PTPRQ: variants seen among roughly 807,000 people sequenced by gnomAD.
PTPRQ encodes protein tyrosine phosphatase receptor type Q.
PTPRQ carries 199 observed loss-of-function variants against 246.0 expected under a neutral mutation model. The ratio of observed to expected loss-of-function variants is 0.81; its 90% confidence interval spans 0.72 to 0.91. The LOEUF (loss-of-function observed/expected upper bound fraction) is 0.91. PTPRQ is among the 40% of genes least tolerant of loss of function. The probability of loss-of-function intolerance (pLI) is 0.00; values close to 1 mark genes in which losing one functional copy is unlikely to be tolerated. For missense variants in PTPRQ, 2,624 were observed against 2,528.4 expected, an observed-to-expected ratio of 1.04 and a Z score of -0.81; for synonymous variants, 869 against 853.2, an observed-to-expected ratio of 1.02 and a Z score of -0.32.
chr12:80,668,866 T>C, intron 39 of PTPRQ, 141 bp from the exon 40 acceptor site: 2 of 1,159,334 alleles, frequency 1.7e-6, no homozygotes, highest in Non-Finnish European at 2.2e-6. Context: ...AAATTTTGAG[T>C]ATTTAAGATT....
At chr12:80,535,802 G>A (rs1895968414) in intron 19 of PTPRQ, among the ~76,000 whole-genome samples, 1 of 152,230 alleles carries the variant, frequency 6.6e-6, no homozygotes, top group African/African-American at 2.4e-5. Context: ...GATGCAGAGA[G>A]CTGGAATATA....
At chr12:80,676,621 G>A (rs11114564) in intron 43 of PTPRQ, among the ~76,000 whole-genome samples, 25,637 of 152,082 alleles carry the variant, frequency 0.17, 2,842 homozygotes, top group Non-Finnish European at 0.24. Flanking sequence ...CAACCTGGGC[G>A]ACAGAGCGAG....
chr12:80,582,220 G>A (rs1897464060), intron 25 of PTPRQ, among the ~76,000 whole-genome samples: 1 of 152,044 alleles, frequency 6.6e-6, no homozygotes, highest in Admixed American at 6.5e-5. Flanking sequence ...TGAAGAAAAA[G>A]GCAAAATATA....
chr12:80,590,564 A>T (rs901006707), intron 26 of PTPRQ, among the ~76,000 whole-genome samples: 1 of 147,184 alleles, frequency 6.8e-6, no homozygotes, highest in African/African-American at 2.5e-5. Flanking sequence ...GCTACTCGGG[A>T]GGCTGAGGCA....
In PTPRQ at chr12:80,575,528, G is replaced by A. The variant is rs1243135343; in HGVS notation, c.4286-12601G>A. Among the ~76,000 whole-genome samples the A allele has an allele frequency of 3.3e-5, 5 of 152,094 alleles. No homozygotes were observed. In the South Asian group the frequency reaches 1.0e-3, roughly 32 times the overall value. ...GCCCAGATGTTTAAGGTTACACTGAGCTATGAAGGTACCACTGCACTCCAG... is the reference window on the plus strand; with the variant it reads ...GCCCAGATGTTTAAGGTTACACTGAACTATGAAGGTACCACTGCACTCCAG... On this transcript the variant is annotated intron_variant, in intron 25 of 44. Coordinates refer to ENST00000644991, the MANE Select transcript of PTPRQ (RefSeq NM_001145026.2).
intron 26 of PTPRQ, among the ~76,000 whole-genome samples, chr12:80,597,565 C>A (rs1898010113): frequency 6.6e-6 from 1 of 152,022 alleles, no homozygotes; most frequent in Non-Finnish European, 1.5e-5. Context: ...TTTACATCTA[C>A]TTCCCTAGTC....
At chr12:80,610,093 C>G (rs1898492176) in intron 27 of PTPRQ, among the ~76,000 whole-genome samples, 1 of 150,336 alleles carries the variant, frequency 6.7e-6, no homozygotes, top group African/African-American at 2.4e-5. Context: ...GGATTTGAGG[C>G]CTGTGTGATT....
At chr12:80,621,049 A>G (rs1476383903) in intron 32 of PTPRQ, among the ~76,000 whole-genome samples, 1 of 151,870 alleles carries the variant, frequency 6.6e-6, no homozygotes, top group African/African-American at 2.4e-5. Flanking sequence ...TTCAAAATAT[A>G]ATTTTTACTA....
intron 35 of PTPRQ, among the ~76,000 whole-genome samples, chr12:80,645,419 C>CTAATAT (rs1179851001): frequency 2.6e-5 from 4 of 151,938 alleles, no homozygotes; most frequent in Non-Finnish European, 4.4e-5. Context: ...CAGATATTCC[C>CTAATAT]TCACAATAAA....
intron 8 of PTPRQ, among the ~76,000 whole-genome samples, chr12:80,478,464 G>T (rs1437395073): frequency 3.9e-5 from 6 of 152,086 alleles, no homozygotes; most frequent in Non-Finnish European, 7.4e-5. Flanking sequence ...ACTCTAAAAA[G>T]CAGAGCGCCT....
intron 25 of PTPRQ, among the ~76,000 whole-genome samples, chr12:80,564,178 G>A (rs1326641415): frequency 6.6e-6 from 1 of 152,082 alleles, no homozygotes; most frequent in Non-Finnish European, 1.5e-5. Flanking sequence ...TGCCATGCTG[G>A]TGCGCTGCAC....
intron 33 of PTPRQ, among the ~76,000 whole-genome samples, chr12:80,628,481 A>C (rs1170001222): frequency 6.6e-6 from 1 of 152,174 alleles, no homozygotes; most frequent in Non-Finnish European, 1.5e-5. Context: ...GTAAAATTAT[A>C]AATTATGTAA....
rs71094985 is a variant in PTPRQ at position 80,552,645 on chromosome 12, T to TTA, written c.4285+2959_4285+2960dup. ...TCCAGGTCTTTGTAAAAAAAAAAAATTATATATATATATATATATATATAT... is the reference window on the plus strand; with the variant it reads ...TCCAGGTCTTTGTAAAAAAAAAAAATTATATATATATATATATATATATATAT... On this transcript the variant is annotated intron_variant, in intron 25 of 44. Transcript: ENST00000644991. Among the ~76,000 whole-genome samples the TTA allele has an allele frequency of 9.2e-3, 701 of 76,226 alleles. 10 individuals are homozygous for TTA. The highest frequency in any genetic ancestry group is 0.015 in the African/African-American group (292 of 19,978). 50.0% of individuals were successfully genotyped at this position (76,226 alleles called of 152,430 possible).
chr12:80,607,370 G>T (rs770308156), intron 27 of PTPRQ, among the ~76,000 whole-genome samples: 5 of 150,846 alleles, frequency 3.3e-5, no homozygotes, highest in Non-Finnish European at 7.4e-5. Context: ...AGCAAGAACA[G>T]ATTCAGATAG....
intron 26 of PTPRQ, among the ~76,000 whole-genome samples, chr12:80,602,813 A>G (rs1648280262): frequency 6.6e-6 from 1 of 151,770 alleles, no homozygotes; most frequent in African/African-American, 2.4e-5. Flanking sequence ...CATGTGATTC[A>G]CTTGAACCAG....
intron 25 of PTPRQ, among the ~76,000 whole-genome samples, chr12:80,585,438 C>T (rs1391118349): frequency 6.6e-6 from 1 of 152,128 alleles, no homozygotes; most frequent in Non-Finnish European, 1.5e-5. Context: ...ATTGCAGTTG[C>T]CTGCTAATTA....
At chr12:80,491,241 T>G (rs559665175) in intron 9 of PTPRQ, among the ~76,000 whole-genome samples, 1 of 152,036 alleles carries the variant, frequency 6.6e-6, no homozygotes, top group East Asian at 1.9e-4. Context: ...GAGGGGGAAA[T>G]TCTTTGTGCT....
chr12:80,492,348 C>T (rs548532482), intron 9 of PTPRQ, among the ~76,000 whole-genome samples: 97 of 152,044 alleles, frequency 6.4e-4, no homozygotes, highest in African/African-American at 2.3e-3. Context: ...ATACCTAGAA[C>T]ACATTCAGAT....
intron 3 of PTPRQ, among the ~76,000 whole-genome samples, chr12:80,449,998 C>T (rs1892696540): frequency 1.3e-5 from 2 of 152,160 alleles, no homozygotes; most frequent in South Asian, 2.1e-4. Flanking sequence ...TTCATTCTTC[C>T]TACCCATGAG....
Sources: allele counts gnomAD v4.1 joint callset (sites outside exome capture counted in the v4.1 genomes callset), GRCh38; gene constraint gnomAD v4.1.1; transcripts MANE v1.5; gene names NCBI Gene and HGNC (gene_info 2026-07-23, HGNC 2026-07-21).